The following SLC35F4 variants were observed in gnomAD, a reference collection of about 807,000 sequenced individuals.
SLC35F4 encodes the protein chromosome 14 open reading frame 36.
A neutral mutation model predicts 44.2 loss-of-function variants in SLC35F4; 24 were observed. The ratio of observed to expected loss-of-function variants is 0.54; its 90% CI spans 0.39 to 0.76. The LOEUF (loss-of-function observed/expected upper bound fraction) is 0.76, where lower values mean the gene tolerates loss of function less well. Among genes scored for constraint, SLC35F4 ranks in the 30% least tolerant of loss-of-function variants. SLC35F4 has a pLI of 0.00. For missense variants in SLC35F4, 562 were observed against 586.1 expected (o/e 0.96, Z 0.42); for synonymous variants, 238 against 223.6 (o/e 1.06, Z -0.57).
chr14:57,755,053 A>C (rs1338836726), intron 1 of SLC35F4, among the ~76,000 whole-genome samples: 1 of 152,178 alleles, frequency 6.6e-6, no homozygotes, highest in African/African-American at 2.4e-5. Flanking sequence ...AGCACAGGGG[A>C]GACGTGAAAG....
At chr14:57,888,369 C>T (rs900039394) in intron 1 of SLC35F4, among the ~76,000 whole-genome samples, 1 of 152,210 alleles carries the variant, frequency 6.6e-6, no homozygotes, top group Non-Finnish European at 1.5e-5. Context: ...AAATCCCCTT[C>T]CATGTTGGGA....
intron 1 of SLC35F4, among the ~76,000 whole-genome samples, chr14:57,600,553 G>A (rs1328030711): frequency 6.8e-6 from 1 of 147,424 alleles, no homozygotes; most frequent in East Asian, 2.0e-4. Context: ...TTAGCCGGGC[G>A]TAGTGGCGGG....
At chr14:57,877,162 C>T (rs1015915859) in intron 1 of SLC35F4, among the ~76,000 whole-genome samples, 1 of 152,070 alleles carries the variant, frequency 6.6e-6, no homozygotes, top group African/African-American at 2.4e-5. Flanking sequence ...CTCCTCCCAC[C>T]GTCCACTCTC....
intron 1 of SLC35F4, among the ~76,000 whole-genome samples, chr14:57,891,822 G>C (rs530542993): frequency 2.2e-4 from 33 of 152,304 alleles, no homozygotes; most frequent in Non-Finnish European, 4.0e-4. Context: ...GTTGCAGTGA[G>C]CCAAGATCAT....
In SLC35F4 at chr14:57,663,213, A is replaced by G. The variant is rs373004223; in HGVS notation, c.104-69089T>C. Among the ~76,000 whole-genome samples the G allele has an allele frequency of 2.2e-4, 34 of 152,330 alleles. No individual in the cohort carries two copies. The South Asian group carries it at 7.0e-3, about 32-fold the overall frequency. On this transcript the variant is annotated intron_variant, in intron 1 of 7. Transcript: ENST00000556826. Reference sequence around the variant, plus strand: ...TGATTCAGTTTTACCGTATAGATGTAGAATATATCTTGTTAGTAACGAAGT... The same window carrying G: ...TGATTCAGTTTTACCGTATAGATGTGGAATATATCTTGTTAGTAACGAAGT...
chr14:57,780,207 C>G (rs1566846855), intron 1 of SLC35F4, among the ~76,000 whole-genome samples: 1 of 152,068 alleles, frequency 6.6e-6, no homozygotes, highest in Non-Finnish European at 1.5e-5. Flanking sequence ...CCCAAAAGCT[C>G]CTTCAGCTGA....
intron 1 of SLC35F4, among the ~76,000 whole-genome samples, chr14:57,923,697 T>A (rs1011703506): frequency 8.5e-5 from 13 of 152,196 alleles, no homozygotes; most frequent in African/African-American, 3.1e-4. Context: ...TGGATTGACT[T>A]AGATCTTTAG....
chr14:57,954,948 TAAA>T (rs35919238), intron 1 of SLC35F4, among the ~76,000 whole-genome samples: 446 of 107,068 alleles, frequency 4.2e-3, no homozygotes, highest in African/African-American at 0.012. Flanking sequence ...TCATCCTGAT[TAAA>T]AAAAAAAAAA....
chr14:57,962,586 A>G (rs1180582565), intron 1 of SLC35F4, among the ~76,000 whole-genome samples: 2 of 152,250 alleles, frequency 1.3e-5, no homozygotes, highest in Non-Finnish European at 2.9e-5. Flanking sequence ...GCAAAGCACA[A>G]CCTGCACGAT....
chr14:57,569,766 G>T, intron 6 of SLC35F4, 22 bp downstream of exon 6: 3 of 1,560,932 alleles, frequency 1.9e-6, no homozygotes, highest in Non-Finnish European at 2.6e-6. Flanking sequence ...GGGAATGGAA[G>T]GCAAAACCCG....
chr14:57,875,729 A>G (rs929066646), intron 1 of SLC35F4, among the ~76,000 whole-genome samples: 1 of 152,204 alleles, frequency 6.6e-6, no homozygotes, highest in African/African-American at 2.4e-5. Context: ...TGCTTCTTTC[A>G]TATTCTATTG....
intron 1 of SLC35F4, among the ~76,000 whole-genome samples, chr14:57,624,410 AAACAATAG>A (rs1189011899): frequency 6.6e-6 from 1 of 152,228 alleles, no homozygotes; most frequent in Non-Finnish European, 1.5e-5. Context: ...AAACTATTCC[AAACAATAG>A]AAAAAGAGGG....
At chr14:57,722,288 C>T (rs1407310317) in intron 1 of SLC35F4, among the ~76,000 whole-genome samples, 2 of 152,054 alleles carry the variant, frequency 1.3e-5, no homozygotes, top group African/African-American at 4.8e-5. Flanking sequence ...TAAGAGATGG[C>T]CCACTGTGAG....
intron 1 of SLC35F4, among the ~76,000 whole-genome samples, chr14:57,883,023 GAGGGGAGGGGAGAAGGAGGAGA>G (rs1293716719): frequency 0.015 from 2,211 of 151,600 alleles, 44 homozygotes; most frequent in African/African-American, 0.051. Context: ...AGGAGGAGAG[GAGGGGAGGGGAGAAGGAGGAGA>G]AGGGGAGGGG....
chr14:57,607,155 T>A (rs1254041010), intron 1 of SLC35F4, among the ~76,000 whole-genome samples: 1 of 152,220 alleles, frequency 6.6e-6, no homozygotes, highest in Non-Finnish European at 1.5e-5. Context: ...TCCACAAGTA[T>A]CTTCTCTTTG....
At chr14:57,839,236 T>C (rs868098513) in intron 1 of SLC35F4, among the ~76,000 whole-genome samples, 38 of 152,266 alleles carry the variant, frequency 2.5e-4, no homozygotes, top group South Asian at 1.0e-3. Context: ...AGCACCAAGA[T>C]AGGTCAAATA....
chr14:57,803,642 T>A (rs1451872951), intron 1 of SLC35F4, among the ~76,000 whole-genome samples: 1 of 134,394 alleles, frequency 7.4e-6, no homozygotes. Flanking sequence ...CAGACTGGGG[T>A]ACGAAGGCAC....
intron 1 of SLC35F4, among the ~76,000 whole-genome samples, chr14:57,970,680 C>A (rs1881026489): frequency 6.6e-6 from 1 of 152,174 alleles, no homozygotes; most frequent in Admixed American, 6.5e-5. Flanking sequence ...TAGGACAAAG[C>A]CTGCTTGGTA....
At chr14:57,616,063 T>C (rs115396213) in intron 1 of SLC35F4, among the ~76,000 whole-genome samples, 4,252 of 152,344 alleles carry the variant, frequency 0.028, 77 homozygotes, top group Middle Eastern at 0.054. Context: ...AGTGACAAAC[T>C]GTACATAACT....
Sources: gnomAD v4.1 joint callset for allele counts (sites outside exome capture counted in the v4.1 genomes callset) on GRCh38, gnomAD v4.1.1 for gene constraint, MANE v1.5 for transcripts, NCBI Gene and HGNC (gene_info 2026-07-23, HGNC 2026-07-21) for gene names.